Variants in ATP9A observed in about 807,000 individuals in gnomAD.
ATP9A encodes probable phospholipid-transporting ATPase IIA.
Under a neutral mutation model 144.1 loss-of-function variants are expected in ATP9A, and 52 were observed. The ratio of observed to expected loss-of-function variants is 0.36; its 90% CI spans 0.29 to 0.45. The LOEUF (loss-of-function observed/expected upper bound fraction) is 0.45, where lower values mean the gene tolerates loss of function less well. ATP9A is among the 20% of genes least tolerant of loss of function. The pLI is 1.00. For synonymous variants in ATP9A, 582 were observed against 557.4 expected (o/e 1.04, Z -0.62); for missense variants, 947 against 1,392.7 (o/e 0.68, Z 5.09).
At chr20:51,638,069 T>TATATA (rs2077300535) in intron 15 of ATP9A, among the ~76,000 whole-genome samples, 1 of 73,124 alleles carries the variant, frequency 1.4e-5, no homozygotes, top group South Asian at 3.5e-4. Context: ...CATTTCATCA[T>TATATA]TTTATATATA....
At chr20:51,714,513 C>G (rs774161842) in intron 3 of ATP9A, among the ~76,000 whole-genome samples, 3 of 152,204 alleles carry the variant, frequency 2.0e-5, no homozygotes, top group Admixed American at 6.5e-5. Context: ...TCCCCAGTAG[C>G]TGGTATTACA....
intron 1 of ATP9A, among the ~76,000 whole-genome samples, chr20:51,767,117 C>T (rs1349087808): frequency 6.6e-6 from 1 of 150,580 alleles, no homozygotes; most frequent in Non-Finnish European, 1.5e-5. Context: ...GGTGAAGCCA[C>T]CCTTATGGTT....
intron 14 of ATP9A, among the ~76,000 whole-genome samples, chr20:51,647,048 G>A (rs1000398910): frequency 2.0e-5 from 3 of 152,086 alleles, no homozygotes; most frequent in East Asian, 1.9e-4. Flanking sequence ...GAACCCAGGA[G>A]GAGGAAGTTG....
rs767119713 is a variant in ATP9A at position 51,628,968 on chromosome 20, C to A, written c.1761+12G>T. The A allele has an allele frequency of 6.2e-7, 1 of 1,609,180 alleles. No homozygotes were observed. The highest frequency in any genetic ancestry group is 1.7e-5 in the Admixed American group (1 of 59,982). ...TTCCAAGGCCTGGTTTAACTTCCTG[C>A]ATCACACTTACCTCTTCCTCCAACC... On this transcript the variant is annotated intron_variant, in intron 16 of 27. Coordinates refer to ENST00000338821, the MANE Select transcript of ATP9A (RefSeq NM_006045.3).
At position 51,754,401 on chromosome 20, in the gene ATP9A, G is replaced by A. The variant is rs573262177; in HGVS notation, c.68+13901C>T. On this transcript the variant is annotated intron_variant, in intron 1 of 27. Coordinates refer to ENST00000338821, the MANE Select transcript of ATP9A (RefSeq NM_006045.3). ...GCCTGTAATCCCAGCTACGCAGGAG[G>A]CTGAGGCAGGAGAATTGCTTGAACC... Among the ~76,000 whole-genome samples, 192 of 152,252 alleles carry A rather than the reference G, an allele frequency of 1.3e-3. 1 individual carries two copies. Among genetic ancestry groups the A allele is most frequent in the South Asian group, 0.012 (60 of 4,828 alleles).
chr20:51,768,313 C>T lies in ATP9A; in HGVS notation c.57G>A (p.Arg19=). The change falls in exon 1 of 28, where the codon AGG becomes AGA. Residue 19 remains arginine (R), a synonymous_variant. Transcript: ENST00000338821. ...PVRQKKRMDS[R]PRAGCCEWLR... is the part of the protein sequence containing the mutation. ...CCAGGCCCACTCACCCGGCGCGGGG[C>T]CTGCTGTCCATCCGCTTCTTCTGGC... is the stretch of plus-strand genomic sequence containing the variant. 7.6e-7 allele frequency: 1 copy of T among 1,309,862 alleles called. No homozygotes were observed. The allele number at this position is 1,309,862 out of a possible 1,614,324, so 81.1% of individuals were successfully genotyped here.
At chr20:51,621,019 C>T (rs1231209260) in intron 19 of ATP9A, among the ~76,000 whole-genome samples, 7 of 151,862 alleles carry the variant, frequency 4.6e-5, no homozygotes, top group South Asian at 4.2e-4. Flanking sequence ...TGGTGGCAGG[C>T]GCCTGTAATC....
chr20:51,673,002 G>A (rs972529016), intron 11 of ATP9A, among the ~76,000 whole-genome samples: 1 of 152,196 alleles, frequency 6.6e-6, no homozygotes, highest in African/African-American at 2.4e-5. Flanking sequence ...AGTGAGAGCA[G>A]AGGTGATTTA....
At chr20:51,619,974 G>T (rs2077219917) in intron 19 of ATP9A, among the ~76,000 whole-genome samples, 1 of 151,928 alleles carries the variant, frequency 6.6e-6, no homozygotes, top group Non-Finnish European at 1.5e-5. Context: ...TCTATGAGGT[G>T]CCAAAAAGAA....
At chr20:51,674,335 A>G (rs372032553) in intron 10 of ATP9A, 22 bp from the exon 11 acceptor site, 2 of 1,610,702 alleles carry the variant, frequency 1.2e-6, no homozygotes, top group African/African-American at 2.7e-5. Flanking sequence ...AGCACAAACC[A>G]GGGCTTGAGA....
chr20:51,641,437 C>T (rs915810584), intron 14 of ATP9A, among the ~76,000 whole-genome samples: 2 of 151,864 alleles, frequency 1.3e-5, no homozygotes, highest in African/African-American at 4.8e-5. Context: ...GGGAGGATCA[C>T]GATCTGGGAG....
At chr20:51,755,213 G>T (rs1440641655) in intron 1 of ATP9A, among the ~76,000 whole-genome samples, 1 of 150,790 alleles carries the variant, frequency 6.6e-6, no homozygotes, top group Non-Finnish European at 1.5e-5. Flanking sequence ...CAAGGCAGGC[G>T]GATCACAAGG....
intron 4 of ATP9A, among the ~76,000 whole-genome samples, chr20:51,699,092 A>G (rs2077582358): frequency 6.6e-6 from 1 of 152,188 alleles, no homozygotes; most frequent in South Asian, 2.1e-4. Context: ...CTGTAATCCC[A>G]GTACTTTGGG....
At chr20:51,662,793 G>A (rs2426361) in intron 13 of ATP9A, among the ~76,000 whole-genome samples, 29,876 of 151,294 alleles carry the variant, frequency 0.2, 3,235 homozygotes, top group South Asian at 0.37. Context: ...TATACACGCC[G>A]GGCACAGTGG....
In ATP9A at chr20:51,622,068, C is replaced by A. The variant is rs762485170; in HGVS notation, c.2115+6G>T. 2 of 1,613,820 alleles carry A rather than the reference C, an allele frequency of 1.2e-6. No homozygotes were observed. Among genetic ancestry groups the A allele is most frequent in the African/African-American group, 2.7e-5 (2 of 74,912 alleles). ...CCACATGGCCCTAACGCAGAGGACA[C>A]TTTACCAGCCGAAAAACGTGGATGT... On this transcript the variant is annotated splice_donor_region_variant and intron_variant, in intron 19 of 27. Transcript: ENST00000338821.
intron 3 of ATP9A, among the ~76,000 whole-genome samples, chr20:51,720,161 T>C (rs2077682622): frequency 1.3e-5 from 2 of 152,214 alleles, no homozygotes; most frequent in Non-Finnish European, 1.5e-5. Context: ...TGGATGGAAG[T>C]AGATTCTTCA....
chr20:51,750,105 A>G (rs965286903), intron 1 of ATP9A, among the ~76,000 whole-genome samples: 1 of 152,178 alleles, frequency 6.6e-6, no homozygotes, highest in African/African-American at 2.4e-5. Context: ...CGGTGAGCCG[A>G]GATCGCACCA....
chr20:51,611,373 T>C lies in ATP9A; in HGVS notation c.2572-1208A>G, dbSNP rs1462317840. Among the ~76,000 whole-genome samples, 1 of 152,218 alleles carries C rather than the reference T, an allele frequency of 6.6e-6. No individual in the cohort carries two copies. The highest frequency in any genetic ancestry group is 1.5e-5 in the Non-Finnish European group (1 of 68,034). Reference sequence around the variant, plus strand: ...CTGTGCCGCTGCTTAGGAAGGATGGTTGTAAAAATGTCAAGAATCTGTTGT... The same window carrying C: ...CTGTGCCGCTGCTTAGGAAGGATGGCTGTAAAAATGTCAAGAATCTGTTGT... On this transcript the variant is annotated intron_variant, in intron 23 of 27. Coordinates refer to ENST00000338821, the MANE Select transcript of ATP9A (RefSeq NM_006045.3). This position sits in a 1 kb window ranked among gnomAD's most constrained non-coding sequence, Gnocchi z 4.2.
At chr20:51,670,314 G>A (rs1277778597) in intron 12 of ATP9A, among the ~76,000 whole-genome samples, 1 of 152,194 alleles carries the variant, frequency 6.6e-6, no homozygotes, top group Non-Finnish European at 1.5e-5. Context: ...CTTTCCCAGG[G>A]GAAATTAACC....
Sources: gnomAD v4.1 joint callset for allele counts (sites outside exome capture counted in the v4.1 genomes callset) on GRCh38, gnomAD v4.1.1 for gene constraint, Gnocchi (gnomAD v3.1) non-coding constraint, MANE v1.5 for transcripts, NCBI Gene and HGNC (gene_info 2026-07-23, HGNC 2026-07-21) for gene names.